Variants in SEMA3C observed in about 807,000 individuals in gnomAD.
SEMA3C encodes the protein semaphorin-3C.
In SEMA3C, 47 loss-of-function variants were observed where a neutral mutation model predicts 89.4. The observed-to-expected ratio is 0.53, with a 90% confidence interval of 0.42 to 0.67. The LOEUF (loss-of-function observed/expected upper bound fraction) is 0.67, where lower values mean the gene tolerates loss of function less well. SEMA3C is among the 30% of genes least tolerant of loss of function. The pLI, the probability that SEMA3C is intolerant of heterozygous loss-of-function variation, is 0.00. For synonymous variants in SEMA3C, 310 were observed against 320.2 expected (o/e 0.97, Z 0.34); for missense variants, 839 against 929.1 (o/e 0.90, Z 1.26).
At chr7:80,840,249 G>C (rs992028346) in intron 2 of SEMA3C, among the ~76,000 whole-genome samples, 1 of 152,074 alleles carries the variant, frequency 6.6e-6, no homozygotes, top group Non-Finnish European at 1.5e-5. Flanking sequence ...GCCAGGTGTG[G>C]TAGCTCATGC....
chr7:80,799,412 A>G (rs1219873599), intron 10 of SEMA3C, among the ~76,000 whole-genome samples: 1 of 152,198 alleles, frequency 6.6e-6, no homozygotes, highest in Non-Finnish European at 1.5e-5. Context: ...CTACTATAAA[A>G]TTAATAAAGA....
intron 2 of SEMA3C, among the ~76,000 whole-genome samples, chr7:80,863,942 A>ATCATATATATCACATAT (rs1790860551): frequency 7.1e-6 from 1 of 140,564 alleles, no homozygotes; most frequent in African/African-American, 2.9e-5. Context: ...TCACATATAT[A>ATCATATATATCACATAT]ATATGTATAT....
chr7:80,765,387 C>G, intron 12 of SEMA3C, 144 bp from the exon 13 acceptor site: 1 of 566,472 alleles, frequency 1.8e-6, no homozygotes. Flanking sequence ...CTGCCATGTG[C>G]TGAATGTATT....
intron 2 of SEMA3C, among the ~76,000 whole-genome samples, chr7:80,903,792 A>C (rs921084810): frequency 4.6e-5 from 7 of 152,220 alleles, no homozygotes; most frequent in African/African-American, 1.7e-4. Context: ...AAGGCTAAAA[A>C]AAATGATATA....
intron 12 of SEMA3C, among the ~76,000 whole-genome samples, chr7:80,775,988 T>C (rs1271797609): frequency 1.3e-5 from 2 of 152,142 alleles, no homozygotes; most frequent in African/African-American, 4.8e-5. Flanking sequence ...GAAATATATG[T>C]TCCTGTTTTT....
intron 12 of SEMA3C, among the ~76,000 whole-genome samples, chr7:80,766,218 CAT>C (rs1177128853): frequency 6.6e-6 from 1 of 152,182 alleles, no homozygotes; most frequent in Non-Finnish European, 1.5e-5. Context: ...TGTTACAGTA[CAT>C]AGCTAGTCAG....
chr7:80,841,961 C>T (rs547562029), intron 2 of SEMA3C, among the ~76,000 whole-genome samples: 179 of 152,268 alleles, frequency 1.2e-3, no homozygotes, highest in Middle Eastern at 3.4e-3. Context: ...ACAGTGAAGA[C>T]ATGTTCATTT....
At chr7:80,792,796 T>G (rs762575552) in intron 11 of SEMA3C, among the ~76,000 whole-genome samples, 3 of 152,172 alleles carry the variant, frequency 2.0e-5, no homozygotes, top group Admixed American at 6.5e-5. Flanking sequence ...TATTGATTCA[T>G]GCCATCAACT....
intron 2 of SEMA3C, among the ~76,000 whole-genome samples, chr7:80,907,497 G>A (rs1792042829): frequency 6.6e-6 from 1 of 152,078 alleles, no homozygotes. Flanking sequence ...CCTTGAGCCT[G>A]AATTTATGGA....
intron 9 of SEMA3C, among the ~76,000 whole-genome samples, chr7:80,801,544 C>T (rs1207643559): frequency 6.6e-6 from 1 of 151,820 alleles, no homozygotes; most frequent in African/African-American, 2.4e-5. Flanking sequence ...ATGAAAGGCC[C>T]AGACATAGTG....
chr7:80,918,197 A>C (rs537650889), intron 1 of SEMA3C: 8 of 152,352 alleles, frequency 5.3e-5, no homozygotes, highest in Admixed American at 5.2e-4. Context: ...TTGACTTCAT[A>C]GTTAAAGCCA....
Position 80,828,754 on chromosome 7 carries a change from G to C in SEMA3C, c.104-9C>G. ...CTTGGTTTCTCGAAGTTCTGAAAGAGTGAACAGCACAAGTGTAGATACAGT... is the reference window on the plus strand; with the variant it reads ...CTTGGTTTCTCGAAGTTCTGAAAGACTGAACAGCACAAGTGTAGATACAGT... On this transcript the variant is annotated splice_polypyrimidine_tract_variant and intron_variant, in intron 2 of 17. Coordinates refer to ENST00000265361, the MANE Select transcript of SEMA3C (RefSeq NM_006379.5). 1 of 1,601,268 alleles carries C rather than the reference G, an allele frequency of 6.2e-7. No individual in the cohort carries two copies. Among genetic ancestry groups the C allele is most frequent in the Non-Finnish European group, 8.5e-7 (1 of 1,171,670 alleles).
At chr7:80,893,049 T>C (rs1207222185) in intron 2 of SEMA3C, among the ~76,000 whole-genome samples, 1 of 152,212 alleles carries the variant, frequency 6.6e-6, no homozygotes, top group Non-Finnish European at 1.5e-5. Flanking sequence ...GCTCCTTCAT[T>C]AGCAGATGAC....
intron 10 of SEMA3C, among the ~76,000 whole-genome samples, chr7:80,800,182 A>G (rs1389126104): frequency 4.6e-5 from 7 of 151,926 alleles, no homozygotes; most frequent in Non-Finnish European, 1.0e-4. Flanking sequence ...ACAGAAAAAG[A>G]ACATTGGTTC....
At chr7:80,804,324 C>CAG in intron 7 of SEMA3C, 76 bp from the exon 8 acceptor site, 1 of 999,326 alleles carries the variant, frequency 1.0e-6, no homozygotes, top group South Asian at 2.6e-5. Flanking sequence ...AGACCACAGG[C>CAG]AGATGCCTTC....
At chr7:80,919,384 C>T (rs955038190), upstream of SEMA3C, 4 of 985,240 alleles carry the variant, frequency 4.1e-6, no homozygotes, top group South Asian at 4.7e-5. Context: ...GGGTGCGCTC[C>T]ACGGTTTTTG....
chr7:80,828,154 A>G (rs542190782), intron 3 of SEMA3C, among the ~76,000 whole-genome samples: 1 of 152,200 alleles, frequency 6.6e-6, no homozygotes, highest in East Asian at 1.9e-4. Flanking sequence ...AGTGAAGCTC[A>G]ATTTTATTTC....
At position 80,745,092 on chromosome 7, in the gene SEMA3C, T is replaced by A; in HGVS notation, c.2058A>T (p.Leu686Phe). The change falls in exon 18 of 18, where the codon TTA becomes TTT. Residue 686 changes from leucine (L) to phenylalanine (F), a missense_variant. Transcript: ENST00000265361. The part of the protein sequence containing the change: ...PWTWASSVRA[L>F]PFHPKDIMGA... ...CCATGATGTCCTTCGGGTGGAAGGG[T>A]AAAGCCCTCACAGAGCTGGCCCAGG... 6.2e-7 allele frequency: 1 copy of A among 1,614,024 alleles called. No homozygotes were observed.
At chr7:80,757,658 G>A (rs1197762524) in intron 15 of SEMA3C, among the ~76,000 whole-genome samples, 2 of 152,112 alleles carry the variant, frequency 1.3e-5, no homozygotes, top group Admixed American at 1.3e-4. Context: ...GGGTTTTAAG[G>A]CTACACTAAA....
Sources: allele counts gnomAD v4.1 joint callset (sites outside exome capture counted in the v4.1 genomes callset), GRCh38; gene constraint gnomAD v4.1.1; transcripts MANE v1.5; gene names NCBI Gene and HGNC (gene_info 2026-07-23, HGNC 2026-07-21).